Variants in WWC1 observed in about 807,000 individuals in gnomAD.
WWC1 encodes the protein protein KIBRA.
WWC1 carries 55 observed loss-of-function variants against 138.4 expected under a neutral mutation model. The ratio of observed to expected loss-of-function variants is 0.40; its 90% CI spans 0.32 to 0.50. The LOEUF (loss-of-function observed/expected upper bound fraction) is 0.50. Ranked by LOEUF, WWC1 falls within the 20% of genes least tolerant of loss-of-function variation. The pLI is 0.72. For missense variants in WWC1, 1,226 were observed against 1,420.4 expected, an observed-to-expected ratio of 0.86 and a Z score of 2.20; for synonymous variants, 524 against 564.9, an observed-to-expected ratio of 0.93 and a Z score of 1.03.
intron 19 of WWC1, among the ~76,000 whole-genome samples, chr5:168,457,064 C>A (rs1486405885): frequency 6.6e-6 from 1 of 151,766 alleles, no homozygotes; most frequent in Non-Finnish European, 1.5e-5. Context: ...ATTATTTATA[C>A]CGTTTCTAAG....
At chr5:168,306,715 A>G (rs568674076) in intron 1 of WWC1, among the ~76,000 whole-genome samples, 1 of 151,986 alleles carries the variant, frequency 6.6e-6, no homozygotes, top group African/African-American at 2.4e-5. Flanking sequence ...TCTTGCCTCA[A>G]CCTCCTGAGT....
At chr5:168,424,098 A>G in intron 11 of WWC1, 30 bp downstream of exon 11, 1 of 1,550,242 alleles carries the variant, frequency 6.5e-7, no homozygotes. Context: ...GAGGGTGGGA[A>G]CCAGGAGGAG....
chr5:168,466,168 C>A (rs1757280836), intron 21 of WWC1, among the ~76,000 whole-genome samples: 1 of 152,100 alleles, frequency 6.6e-6, no homozygotes, highest in Admixed American at 6.5e-5. Context: ...GCTTTAAAAG[C>A]TGCTTATTTG....
At chr5:168,338,247 G>A (rs1379166162) in intron 1 of WWC1, among the ~76,000 whole-genome samples, 2 of 150,950 alleles carry the variant, frequency 1.3e-5, no homozygotes, top group Non-Finnish European at 3.0e-5. Flanking sequence ...GGAGGCGGAG[G>A]TTGTGGTGAG....
intron 1 of WWC1, among the ~76,000 whole-genome samples, chr5:168,366,714 C>T (rs1261794979): frequency 4.0e-5 from 6 of 151,296 alleles, no homozygotes; most frequent in African/African-American, 4.9e-5. Flanking sequence ...GACACATTTT[C>T]GGGGTTTCAG....
chr5:168,421,892 C>G (rs1185326848), intron 9 of WWC1, 116 bp from the exon 10 acceptor site: 1 of 760,746 alleles, frequency 1.3e-6, no homozygotes, highest in Non-Finnish European at 2.3e-6. Flanking sequence ...CCCCAGATGC[C>G]GTGGTCAAAT....
intron 1 of WWC1, among the ~76,000 whole-genome samples, chr5:168,359,033 GGTGTGTGTGTGTGT>G (rs58992917): frequency 2.0e-5 from 3 of 148,260 alleles, no homozygotes; most frequent in South Asian, 2.1e-4. Context: ...GTGGTGGTGG[GGTGTGTGTGTGTGT>G]GTGTGTGTGT....
At position 168,385,886 on chromosome 5, in the gene WWC1, A is replaced by G. The variant is rs537768824; in HGVS notation, c.433+472A>G. On this transcript the variant is annotated intron_variant, in intron 3 of 22. Transcript: ENST00000265293. The stretch of plus-strand genomic sequence containing the variant: ...ATTTCAAAACAATCAAATGCCCTTC[A>G]GTGGCTTCCCCTCACTCTTTCCATG... Among the ~76,000 whole-genome samples, 475 of 152,332 alleles carry G rather than the reference A, an allele frequency of 3.1e-3. 3 individuals are homozygous for G. Among genetic ancestry groups the G allele is most frequent in the African/African-American group, 0.011 (457 of 41,572 alleles).
At chr5:168,431,483 TGGCTGGCTGGCTGGCTGGCTGACC>T in intron 15 of WWC1, 39 bp downstream of exon 15, 2 of 1,544,682 alleles carry the variant, frequency 1.3e-6, no homozygotes, top group Non-Finnish European at 1.7e-6. Flanking sequence ...GCTGGCTGGC[TGGCTGGCTGGCTGGCTGGCTGACC>T]GGCCTTCTGT....
At chr5:168,354,964 TAGAG>T (rs1775279864) in intron 1 of WWC1, among the ~76,000 whole-genome samples, 3 of 152,086 alleles carry the variant, frequency 2.0e-5, no homozygotes, top group African/African-American at 7.2e-5. Context: ...GTTTTCCTCT[TAGAG>T]AGGAGGAGAT....
At chr5:168,392,071 C>T (rs1239577920) in intron 3 of WWC1, among the ~76,000 whole-genome samples, 2 of 151,954 alleles carry the variant, frequency 1.3e-5, no homozygotes, top group East Asian at 1.9e-4. Context: ...TTCCTTAAAT[C>T]GATACAGTCA....
chr5:168,349,461 A>AT (rs1774751749), intron 1 of WWC1, among the ~76,000 whole-genome samples: 1 of 152,000 alleles, frequency 6.6e-6, no homozygotes, highest in Non-Finnish European at 1.5e-5. Flanking sequence ...TCTTCCTTCC[A>AT]TCCCACTCTC....
Position 168,385,153 on chromosome 5 carries a change from C to T in WWC1, c.230-58C>T, listed in dbSNP as rs191310466. 1.7e-4 allele frequency: 272 copies of T among 1,590,428 alleles called. 1 individual carries two copies. The highest frequency in any genetic ancestry group is 2.3e-4 in the Non-Finnish European group (264 of 1,163,686). ...TTTTCTGCTAGTGGATACCACAGGC[C>T]ACCAGCCCAACAGATATTTGTGAGA... On this transcript the variant is annotated intron_variant, in intron 2 of 22. Coordinates refer to ENST00000265293, the MANE Select transcript of WWC1 (RefSeq NM_015238.3).
intron 2 of WWC1, among the ~76,000 whole-genome samples, chr5:168,373,554 G>A (rs758977524): frequency 5.3e-5 from 8 of 151,880 alleles, no homozygotes; most frequent in Non-Finnish European, 1.0e-4. Flanking sequence ...CCAGTTCTGT[G>A]TGTGCATTGT....
intron 5 of WWC1, among the ~76,000 whole-genome samples, chr5:168,399,977 C>T (rs1779191282): frequency 6.6e-6 from 1 of 152,158 alleles, no homozygotes. Flanking sequence ...TAAAAGCAGT[C>T]ACTAAGTGCT....
Position 168,292,038 on chromosome 5 carries a change from C to A in WWC1, c.-115C>A. ...TAGGGCCCCCCATCTGCGGGCGCCA[C>A]CCCCCGGATCATGGTGCCTCGGCGG... On this transcript the variant is annotated 5_prime_UTR_variant, in exon 1 of 23. Transcript: ENST00000265293. This position sits in a 1 kb window ranked among gnomAD's most constrained non-coding sequence, Gnocchi z 4.4. The A allele has an allele frequency of 1.6e-6, 2 of 1,280,490 alleles. No individual in the cohort carries two copies. The highest frequency in any genetic ancestry group is 2.0e-6 in the Non-Finnish European group (2 of 991,846). The allele number at this position is 1,280,490 out of a possible 1,614,324, so 79.3% of individuals were successfully genotyped here.
At chr5:168,369,343 C>G (rs1776558443) in intron 1 of WWC1, among the ~76,000 whole-genome samples, 1 of 152,186 alleles carries the variant, frequency 6.6e-6, no homozygotes, top group African/African-American at 2.4e-5. Flanking sequence ...AGTTGCCTAA[C>G]TCACACAGCC....
chr5:168,434,723 G>A (rs1034001042), intron 15 of WWC1, among the ~76,000 whole-genome samples: 3 of 152,184 alleles, frequency 2.0e-5, no homozygotes, highest in African/African-American at 7.2e-5. Context: ...AGGTTTGGAG[G>A]AATACACAGC....
At chr5:168,409,804 G>C in intron 7 of WWC1, 118 bp from the exon 8 acceptor site, 1 of 992,720 alleles carries the variant, frequency 1.0e-6, no homozygotes, top group Non-Finnish European at 1.6e-6. Flanking sequence ...CCCAGTCACC[G>C]GGGGCTATTC....
Sources: allele counts gnomAD v4.1 joint callset (sites outside exome capture counted in the v4.1 genomes callset), GRCh38; gene constraint gnomAD v4.1.1; non-coding constraint Gnocchi (gnomAD v3.1); transcripts MANE v1.5; gene names NCBI Gene and HGNC (gene_info 2026-07-23, HGNC 2026-07-21).